Variants in ZNF215 observed in about 807,000 individuals in gnomAD.
The protein encoded by ZNF215 is zinc finger protein 215, also known as BWSCR2-associated zinc finger protein 2.
A neutral mutation model predicts 27.2 loss-of-function variants in ZNF215; 24 were observed. That is an observed-to-expected ratio of 0.88 (90% CI 0.64 to 1.24). The LOEUF (loss-of-function observed/expected upper bound fraction) is 1.24. Among genes scored for constraint, ZNF215 ranks in the 50% most tolerant of loss-of-function variants. The pLI is 0.00. For missense variants in ZNF215, 675 were observed against 605.7 expected (o/e 1.11, Z -1.20); for synonymous variants, 210 against 204.0 (o/e 1.03, Z -0.25).
At chr11:6,952,221 C>G (rs186223368) in intron 6 of ZNF215, among the ~76,000 whole-genome samples, 29,861 of 151,980 alleles carry the variant, frequency 0.2, 3,035 homozygotes, top group Middle Eastern at 0.23. Flanking sequence ...TTGATTTGGG[C>G]TGGAGAGTTC....
At position 6,956,949 on chromosome 11, in the gene ZNF215, A is replaced by C. The variant is rs1294032852; in HGVS notation, c.*418A>C. 5 of 991,164 alleles carry C rather than the reference A, an allele frequency of 5.0e-6. No individual in the cohort carries two copies. The South Asian group carries it at 2.3e-4, about 45-fold the overall frequency. 61.4% of individuals were successfully genotyped at this position (991,164 alleles called of 1,614,324 possible). On this transcript the variant is annotated 3_prime_UTR_variant, in exon 7 of 7. Transcript: ENST00000278319. ...AAAACTCAGCCCTTTTAAGAAGGTC[A>C]CAAGAAATCATTAGCTCATGCGAAT...
intron 3 of ZNF215, 127 bp from the exon 4 acceptor site, chr11:6,941,444 C>G (rs1849627427): frequency 1.4e-6 from 1 of 711,302 alleles, no homozygotes; most frequent in Non-Finnish European, 2.3e-6. Context: ...GCTGGCAGGG[C>G]CTGACATTAT....
At chr11:6,960,989 A>G (rs188287364), downstream of ZNF215, among the ~76,000 whole-genome samples, 2 of 152,288 alleles carry the variant, frequency 1.3e-5, no homozygotes, top group Admixed American at 1.3e-4. Context: ...TAATTAGCCA[A>G]CTTACCAGAA....
chr11:6,972,326 T>G (rs1850734311), intron 5 of ZNF215, among the ~76,000 whole-genome samples: 1 of 151,862 alleles, frequency 6.6e-6, no homozygotes, highest in South Asian at 2.1e-4. Context: ...AAAATAAGAC[T>G]TTATTTACAA....
At chr11:6,940,329 G>A (rs188371254) in intron 3 of ZNF215, among the ~76,000 whole-genome samples, 3 of 152,248 alleles carry the variant, frequency 2.0e-5, no homozygotes, top group Admixed American at 2.0e-4. Context: ...TATTCAGACA[G>A]GGTCTCATTC....
chr11:6,952,945 C>G (rs187873110), intron 6 of ZNF215, among the ~76,000 whole-genome samples: 215 of 152,096 alleles, frequency 1.4e-3, no homozygotes, highest in African/African-American at 4.9e-3. Context: ...GACAAAATCT[C>G]TCAGCATTTG....
chr11:6,940,108 C>A (rs1849584303), intron 3 of ZNF215, among the ~76,000 whole-genome samples: 1 of 151,184 alleles, frequency 6.6e-6, no homozygotes, highest in Non-Finnish European at 1.5e-5. Flanking sequence ...TGGCACATGC[C>A]TGTAGTCCTT....
chr11:6,973,892 G>T (rs1850774189), intron 5 of ZNF215, among the ~76,000 whole-genome samples: 1 of 152,138 alleles, frequency 6.6e-6, no homozygotes, highest in African/African-American at 2.4e-5. Flanking sequence ...AAGCTCTTTA[G>T]TTTAAATTAG....
At position 6,957,838 on chromosome 11, in the gene ZNF215, G is replaced by C; in HGVS notation, c.*1307G>C. 2.0e-6 allele frequency: 2 copies of C among 985,358 alleles called. No homozygotes were observed. Among genetic ancestry groups the C allele is most frequent in the Non-Finnish European group, 2.4e-6 (2 of 829,920 alleles). 61.0% of individuals were successfully genotyped at this position (985,358 alleles called of 1,614,324 possible). On this transcript the variant is annotated 3_prime_UTR_variant, in exon 7 of 7. Coordinates refer to ENST00000278319, the MANE Select transcript of ZNF215 (RefSeq NM_013250.4). ...AAGTTATTAAAGTCTCCTATACTCT[G>C]TACACCAGAACTGTGTCTTCTGTAA...
intron 5 of ZNF215, among the ~76,000 whole-genome samples, chr11:6,973,044 T>TA: frequency 1.3e-5 from 2 of 151,902 alleles, no homozygotes; most frequent in Non-Finnish European, 2.9e-5. Context: ...CTCATAATGC[T>TA]TTCCCTCCCA....
chr11:6,990,890 T>G (rs950618187), downstream of ZNF215, among the ~76,000 whole-genome samples: 2 of 152,156 alleles, frequency 1.3e-5, no homozygotes, highest in Admixed American at 1.3e-4. Context: ...CCTGCAAAAA[T>G]TCAACAGACC....
At chr11:6,929,720 GAT>G (rs1299465748) in intron 2 of ZNF215, among the ~76,000 whole-genome samples, 2 of 152,054 alleles carry the variant, frequency 1.3e-5, no homozygotes, top group East Asian at 3.8e-4. Flanking sequence ...TGTTAATCTT[GAT>G]CACCTGGCTG....
At chr11:6,969,986 T>C (rs952375347) in intron 5 of ZNF215, among the ~76,000 whole-genome samples, 1 of 152,308 alleles carries the variant, frequency 6.6e-6, no homozygotes. Flanking sequence ...TTCACCATGT[T>C]GGCCAGGCTG....
chr11:6,986,597 A>G (rs1851056432), downstream of ZNF215, among the ~76,000 whole-genome samples: 1 of 152,196 alleles, frequency 6.6e-6, no homozygotes, highest in African/African-American at 2.4e-5. Context: ...AATGGTAGAA[A>G]GTATTTGTAA....
At chr11:6,977,093 A>G (rs1300366626) in intron 5 of ZNF215, among the ~76,000 whole-genome samples, 3 of 152,044 alleles carry the variant, frequency 2.0e-5, no homozygotes, top group African/African-American at 7.2e-5. Flanking sequence ...TGTGTCCTCC[A>G]AAATTCATGT....
At chr11:6,980,252 T>C (rs1850919768) in intron 5 of ZNF215, among the ~76,000 whole-genome samples, 1 of 152,058 alleles carries the variant, frequency 6.6e-6, no homozygotes, top group South Asian at 2.1e-4. Flanking sequence ...CTTATTTTGC[T>C]ACAAAAATTA....
At chr11:6,960,716 C>T (rs1850499453), downstream of ZNF215, among the ~76,000 whole-genome samples, 1 of 152,118 alleles carries the variant, frequency 6.6e-6, no homozygotes, top group Non-Finnish European at 1.5e-5. Flanking sequence ...GTCACTCTGG[C>T]ACTGTGGAAT....
intron 3 of ZNF215, 152 bp downstream of exon 3, chr11:6,932,824 T>C (rs983386721): frequency 3.2e-5 from 23 of 720,546 alleles, no homozygotes; most frequent in African/African-American, 5.3e-5. Flanking sequence ...CTGTAGGTAA[T>C]AGAAATAGAG....
chr11:6,928,436 TTC>T (rs976174991), intron 2 of ZNF215, among the ~76,000 whole-genome samples: 2 of 152,212 alleles, frequency 1.3e-5, no homozygotes, highest in African/African-American at 4.8e-5. Context: ...TGAGTTATAT[TTC>T]ATTATGAGTT....
Sources: gnomAD v4.1 joint callset for allele counts (sites outside exome capture counted in the v4.1 genomes callset) on GRCh38, gnomAD v4.1.1 for gene constraint, MANE v1.5 for transcripts, NCBI Gene and HGNC (gene_info 2026-07-23, HGNC 2026-07-21) for gene names.